Variants in NTM observed in about 807,000 individuals in gnomAD.
NTM encodes the protein neurotrimin.
In NTM, 13 loss-of-function variants were observed where a neutral mutation model predicts 42.1. The ratio of observed to expected loss-of-function variants is 0.31; its 90% CI spans 0.20 to 0.49. The LOEUF is 0.49. Ranked by LOEUF, NTM falls within the 20% of genes least tolerant of loss-of-function variation. The probability of loss-of-function intolerance (pLI) is 0.99; values close to 1 mark genes in which losing one functional copy is unlikely to be tolerated. For synonymous variants in NTM, 187 were observed against 179.2 expected, an observed-to-expected ratio of 1.04 and a Z score of -0.35; for missense variants, 373 against 452.8, an observed-to-expected ratio of 0.82 and a Z score of 1.60.
chr11:132,154,307 A>G lies in NTM; in HGVS notation c.400+7793A>G, dbSNP rs570934328. Among the ~76,000 whole-genome samples the G allele has an allele frequency of 2.6e-5, 4 of 152,348 alleles. No individual in the cohort carries two copies. In the East Asian group the frequency reaches 5.8e-4, roughly 22 times the overall value. On this transcript the variant is annotated intron_variant, in intron 3 of 8. Transcript: ENST00000683400. The stretch of plus-strand genomic sequence containing the variant: ...GATTATCAGTGGAAAAGAACATGAC[A>G]AACACCTAAGTCAATAAATCTTGGG...
rs565471080 is a variant in NTM, at chr11:131,795,729, G to A, written c.83-115835G>A. ...TTCTGTGCTGGGCATTGCCTGAGGT[G>A]GTGACAGTGTAGTGGTTCAGGTCAT... is the stretch of plus-strand genomic sequence containing the variant. On this transcript the variant is annotated intron_variant, in intron 1 of 8. Coordinates refer to ENST00000683400, the MANE Select transcript of NTM (RefSeq NM_001352005.2). 2.0e-5 allele frequency: 20 copies of A among 985,372 alleles called. No individual in the cohort carries two copies. In the African/African-American group the frequency reaches 3.1e-4, roughly 15 times the overall value. The allele number at this position is 985,372 out of a possible 1,614,324, so 61.0% of individuals were successfully genotyped here.
intron 1 of NTM, among the ~76,000 whole-genome samples, chr11:131,780,383 G>A (rs373814148): frequency 2.6e-5 from 4 of 152,104 alleles, no homozygotes; most frequent in Non-Finnish European, 5.9e-5. Flanking sequence ...AAGCATCTTA[G>A]CTGTCTGCTT....
intron 2 of NTM, among the ~76,000 whole-genome samples, chr11:132,126,078 G>A (rs1230128978): frequency 2.6e-5 from 4 of 152,184 alleles, no homozygotes; most frequent in African/African-American, 9.6e-5. Context: ...GTGGGAGTGG[G>A]AGAGACTGAG....
At chr11:132,061,613 A>T (rs921435961) in intron 2 of NTM, among the ~76,000 whole-genome samples, 9 of 152,210 alleles carry the variant, frequency 5.9e-5, no homozygotes, top group Non-Finnish European at 1.0e-4. Flanking sequence ...AGCATCTGAT[A>T]ATAACAGAAC....
At chr11:131,712,996 C>T (rs951497413) in intron 1 of NTM, among the ~76,000 whole-genome samples, 3 of 151,956 alleles carry the variant, frequency 2.0e-5, no homozygotes, top group East Asian at 1.9e-4. Flanking sequence ...GAGGGAGCCC[C>T]GGTTGGTCAG....
At chr11:131,631,216 T>A (rs1402934045) in intron 1 of NTM, among the ~76,000 whole-genome samples, 1 of 152,210 alleles carries the variant, frequency 6.6e-6, no homozygotes, top group Non-Finnish European at 1.5e-5. Flanking sequence ...TGAGGTGTTG[T>A]GAAGAGTTTA....
chr11:131,627,219 A>ATTT (rs143207154), intron 1 of NTM, among the ~76,000 whole-genome samples: 1 of 139,666 alleles, frequency 7.2e-6, no homozygotes, highest in Non-Finnish European at 1.6e-5. Flanking sequence ...GGCGGCTTTT[A>ATTT]TTTATTTATT....
chr11:131,854,572 C>G (rs1290519641), intron 1 of NTM, among the ~76,000 whole-genome samples: 1 of 152,060 alleles, frequency 6.6e-6, no homozygotes, highest in Non-Finnish European at 1.5e-5. Flanking sequence ...AGCATGAGCT[C>G]AGTATGTTGG....
intron 1 of NTM, among the ~76,000 whole-genome samples, chr11:131,642,162 T>G (rs1438583934): frequency 6.6e-6 from 1 of 152,156 alleles, no homozygotes; most frequent in Admixed American, 6.5e-5. Context: ...CTTGGAGCAG[T>G]TGGTCAGGCT....
At chr11:131,474,783 C>T (rs1007581417) in intron 1 of NTM, among the ~76,000 whole-genome samples, 1 of 152,098 alleles carries the variant, frequency 6.6e-6, no homozygotes, top group Non-Finnish European at 1.5e-5. Flanking sequence ...CTTGGACTAT[C>T]GCAATAGCCC....
intron 4 of NTM, among the ~76,000 whole-genome samples, chr11:132,249,881 A>G (rs916491556): frequency 2.0e-4 from 31 of 152,234 alleles, no homozygotes; most frequent in African/African-American, 7.5e-4. Context: ...GCCCAACTTC[A>G]TTGCCATTGC....
At chr11:131,883,231 TAAAAAG>T (rs2049839999) in intron 1 of NTM, among the ~76,000 whole-genome samples, 1 of 152,192 alleles carries the variant, frequency 6.6e-6, no homozygotes, top group South Asian at 2.1e-4. Flanking sequence ...TTCTAATAAT[TAAAAAG>T]GAAAAGTCAA....
intron 1 of NTM, among the ~76,000 whole-genome samples, chr11:131,643,547 C>T (rs895496528): frequency 2.0e-5 from 3 of 152,224 alleles, no homozygotes; most frequent in African/African-American, 7.2e-5. Flanking sequence ...AACTCTCTCT[C>T]TCTCTCTCGT....
At chr11:132,133,096 A>G (rs1486580012) in intron 2 of NTM, among the ~76,000 whole-genome samples, 1 of 152,228 alleles carries the variant, frequency 6.6e-6, no homozygotes, top group Non-Finnish European at 1.5e-5. Context: ...GGCTTATGAA[A>G]GAAAGAGCTG....
rs140635650 is a variant in NTM at position 131,495,649 on chromosome 11, C to T, written c.82+124761C>T. On this transcript the variant is annotated intron_variant, in intron 1 of 8. Transcript: ENST00000683400. ...GCCTGGGAGTGCGGCCAGAAGAAGCCGGCCTGGAAACAGGGTTGAGCAGGG... is the reference window on the plus strand; with the variant it reads ...GCCTGGGAGTGCGGCCAGAAGAAGCTGGCCTGGAAACAGGGTTGAGCAGGG... Among the ~76,000 whole-genome samples, 583 of 152,276 alleles carry T rather than the reference C, an allele frequency of 3.8e-3. 2 individuals are homozygous for T. Among genetic ancestry groups the T allele is most frequent in the Non-Finnish European group, 5.5e-3 (373 of 68,024 alleles).
chr11:132,043,919 T>A (rs955750568), intron 2 of NTM, among the ~76,000 whole-genome samples: 1 of 152,124 alleles, frequency 6.6e-6, no homozygotes, highest in Non-Finnish European at 1.5e-5. Context: ...TAAATGGCAT[T>A]ACTGCCATCT....
chr11:132,261,087 C>T (rs1023390287), intron 4 of NTM, among the ~76,000 whole-genome samples: 13 of 152,164 alleles, frequency 8.5e-5, no homozygotes, highest in Admixed American at 3.3e-4. Flanking sequence ...GTGAAGGTGA[C>T]GCAGGTCACT....
intron 2 of NTM, among the ~76,000 whole-genome samples, chr11:131,986,926 A>T (rs2066160309): frequency 6.6e-6 from 1 of 152,238 alleles, no homozygotes; most frequent in African/African-American, 2.4e-5. Context: ...CTCCAACATA[A>T]TTATTAGGCA....
chr11:132,088,950 A>G (rs2060073105), intron 2 of NTM, among the ~76,000 whole-genome samples: 1 of 152,172 alleles, frequency 6.6e-6, no homozygotes, highest in African/African-American at 2.4e-5. Context: ...AGAAGCCAGA[A>G]ACAGCCAAAT....
Sources: allele counts gnomAD v4.1 joint callset (sites outside exome capture counted in the v4.1 genomes callset), GRCh38; gene constraint gnomAD v4.1.1; transcripts MANE v1.5; gene names NCBI Gene and HGNC (gene_info 2026-07-23, HGNC 2026-07-21).